The following TAF1A variants were observed in gnomAD, a reference collection of about 807,000 sequenced individuals.
TAF1A encodes TATA-box binding protein associated factor, RNA polymerase I subunit A, also known as TATA box-binding protein-associated factor RNA polymerase I subunit A.
A neutral mutation model predicts 61.6 loss-of-function variants in TAF1A; 42 were observed. The observed-to-expected ratio is 0.68, with a 90% CI of 0.53 to 0.88. The LOEUF (loss-of-function observed/expected upper bound fraction) is 0.88. Ranked by LOEUF, TAF1A falls within the 40% of genes least tolerant of loss-of-function variation. The pLI is 0.00. For missense variants in TAF1A, 424 were observed against 518.7 expected (o/e 0.82, Z 1.77); for synonymous variants, 179 against 177.7 (o/e 1.01, Z -0.06).
intron 9 of TAF1A, among the ~76,000 whole-genome samples, chr1:222,562,294 C>T (rs1659950008): frequency 6.6e-6 from 1 of 152,110 alleles, no homozygotes; most frequent in Admixed American, 6.6e-5. Context: ...CACATTAGAT[C>T]TCTATAATTT....
intron 5 of TAF1A, among the ~76,000 whole-genome samples, chr1:222,575,681 G>T (rs1188094652): frequency 6.6e-6 from 1 of 152,184 alleles, no homozygotes. Flanking sequence ...CATGGTAAGT[G>T]CCCATGAGTT....
Position 222,564,683 on chromosome 1 carries a change from GGAA to G in TAF1A, c.895-561_895-559del, listed in dbSNP as rs933269510. On this transcript the variant is annotated intron_variant, in intron 7 of 10. Transcript: ENST00000352967. ...TTAAAGATTTTTCTTTTAAAAAATA[GGAA>G]GGACTATTTTTATGAATATTCAAAA... is the stretch of plus-strand genomic sequence containing the variant. Among the ~76,000 whole-genome samples, 143 of 151,968 alleles carry G rather than the reference GGAA, an allele frequency of 9.4e-4. 1 individual carries two copies. The highest frequency in any genetic ancestry group is 1.6e-3 in the Non-Finnish European group (111 of 67,946).
chr1:222,583,876 A>G (rs1458274869), intron 3 of TAF1A, among the ~76,000 whole-genome samples: 3 of 152,016 alleles, frequency 2.0e-5, no homozygotes, highest in African/African-American at 7.2e-5. Context: ...AAATTTTTAC[A>G]TGATGATGGG....
downstream of TAF1A, among the ~76,000 whole-genome samples, chr1:222,555,202 T>C (rs1659712436): frequency 6.6e-6 from 1 of 152,136 alleles, no homozygotes; most frequent in African/African-American, 2.4e-5. Flanking sequence ...ATGTAAATTA[T>C]GGAAAACAAT....
rs767060705 is a variant in TAF1A at position 222,588,614 on chromosome 1, G to C, written c.-2-49C>G. 12 of 1,575,218 alleles carry C rather than the reference G, an allele frequency of 7.6e-6. No homozygotes were observed. In the Admixed American group the frequency reaches 2.3e-4, roughly 31 times the overall value. ...TACTTTCTGTACATCTTAATCCACAGTCTTCTGAGTTGTACAGAAAAACGG... is the reference window on the plus strand; with the variant it reads ...TACTTTCTGTACATCTTAATCCACACTCTTCTGAGTTGTACAGAAAAACGG... On this transcript the variant is annotated intron_variant, in intron 1 of 10. Coordinates refer to ENST00000352967, the MANE Select transcript of TAF1A (RefSeq NM_005681.4).
At position 222,569,668 on chromosome 1, in the gene TAF1A, T is replaced by G. The variant is rs1273840691; in HGVS notation, c.736A>C (p.Met246Leu). The G allele has an allele frequency of 5.0e-6, 8 of 1,609,460 alleles. No individual in the cohort carries two copies. The Admixed American group carries it at 1.4e-4, about 27-fold the overall frequency. Residue 246 changes from methionine (M) to leucine (L), a missense_variant and splice_region_variant, in exon 7 of 11, where the codon ATG becomes CTG. Physicochemically the swap from Met to Leu is conservative, Grantham distance 15. Coordinates refer to ENST00000352967, the MANE Select transcript of TAF1A (RefSeq NM_005681.4). ...WDPFVKSYVE[M>L]LEFYGDRDGA... is the part of the protein sequence containing the mutation. The stretch of plus-strand genomic sequence containing the variant: ...TCTCGATCCCCATAGAATTCCAGCA[T>G]CTATATAAAATAAATCATAATATCT...
At chr1:222,579,004 A>C (rs1660683091) in intron 4 of TAF1A, among the ~76,000 whole-genome samples, 1 of 152,152 alleles carries the variant, frequency 6.6e-6, no homozygotes, top group Non-Finnish European at 1.5e-5. Flanking sequence ...TCCCTAATTA[A>C]ATGGCTATCC....
chr1:222,579,777 G>T lies in TAF1A; in HGVS notation c.387C>A (p.Gly129=), dbSNP rs1438915794. ...TTCTCACCTTTAAATAATTCATGAC[G>T]CCAATATTTTTCATCCGGTTAGCAA... ...NTFANRMKNI[G]VMNYLKISLQ... Residue 129 remains glycine (G), a synonymous_variant, in exon 4 of 11, where the codon GGC becomes GGA. Transcript: ENST00000352967. 3 of 1,609,756 alleles carry T rather than the reference G, an allele frequency of 1.9e-6. No homozygotes were observed. Among genetic ancestry groups the T allele is most frequent in the South Asian group, 2.2e-5 (2 of 89,782 alleles).
intron 1 of TAF1A, 72 bp from the exon 2 acceptor site, chr1:222,588,637 C>T (rs1196213058): frequency 2.3e-5 from 34 of 1,478,774 alleles, no homozygotes; most frequent in Middle Eastern, 3.6e-4. Context: ...TACAGAAAAA[C>T]GGCTATCTTT....
downstream of TAF1A, among the ~76,000 whole-genome samples, chr1:222,554,830 T>A (rs1042369238): frequency 2.0e-4 from 31 of 152,170 alleles, no homozygotes; most frequent in African/African-American, 6.3e-4. Context: ...TATTTCTTTT[T>A]ATGAGGGGAG....
At position 222,576,113 on chromosome 1, in the gene TAF1A, C is replaced by A. The variant is rs578251089; in HGVS notation, c.604+1332G>T. 5.9e-5 allele frequency among the ~76,000 whole-genome samples: 9 copies of A among 152,176 alleles called. No individual in the cohort carries two copies. In the South Asian group the frequency reaches 1.9e-3, roughly 32 times the overall value. On this transcript the variant is annotated intron_variant, in intron 5 of 10. Transcript: ENST00000352967. ...GAAAAAACTTAGCACAATTAGAAAG[C>A]AAGAGATGAATAGCCAAATGATTCA... is the stretch of plus-strand genomic sequence containing the variant.
chr1:222,582,220 A>G (rs1221309927), intron 3 of TAF1A, among the ~76,000 whole-genome samples: 1 of 152,244 alleles, frequency 6.6e-6, no homozygotes, highest in Non-Finnish European at 1.5e-5. Context: ...AAACAAGGAA[A>G]GGAAGTGAGC....
intron 9 of TAF1A, among the ~76,000 whole-genome samples, chr1:222,562,422 G>A (rs1659954355): frequency 1.3e-5 from 2 of 152,044 alleles, no homozygotes; most frequent in Non-Finnish European, 2.9e-5. Context: ...TTTATTCAGG[G>A]CTTCAGATTT....
chr1:222,558,754 T>C lies in TAF1A; in HGVS notation c.1259A>G (p.Tyr420Cys). ...GATTTGGTGATCTTGCTTTAAAATA[T>C]ACCGGAAATATCTACAACCTAAAAA... The part of the protein sequence containing the change: ...LLGKGCRYFR[Y>C]ILKQDHQILG... Residue 420 changes from tyrosine (Y) to cysteine (C), a missense_variant, in exon 11 of 11, where the codon TAT (tyrosine) becomes TGT (cysteine). By Grantham distance (194) the Tyr-to-Cys change is radical. Coordinates refer to ENST00000352967, the MANE Select transcript of TAF1A (RefSeq NM_005681.4). 2 of 1,534,514 alleles carry C rather than the reference T, an allele frequency of 1.3e-6. No individual in the cohort carries two copies. The highest frequency in any genetic ancestry group is 1.8e-6 in the Non-Finnish European group (2 of 1,134,228).
In TAF1A at chr1:222,569,746, A is replaced by G. The variant is rs1456177062; in HGVS notation, c.736-78T>C. On this transcript the variant is annotated intron_variant, in intron 6 of 10. Coordinates refer to ENST00000352967, the MANE Select transcript of TAF1A (RefSeq NM_005681.4). ...GAAAAATAATACACAGCATAAGTTT[A>G]CTGATGGGTATTTTTTAAAAATCAC... 1.0e-5 allele frequency: 13 copies of G among 1,298,960 alleles called. No individual in the cohort carries two copies. The African/African-American group carries it at 2.0e-4, about 20-fold the overall frequency. 80.5% of individuals were successfully genotyped at this position (1,298,960 alleles called of 1,614,324 possible).
chr1:222,572,423 A>G (rs1320120993), intron 5 of TAF1A, among the ~76,000 whole-genome samples: 1 of 152,076 alleles, frequency 6.6e-6, no homozygotes, highest in African/African-American at 2.4e-5. Context: ...GCATGATTTC[A>G]GCTTACTGAA....
chr1:222,554,246 A>C (rs1463150057), downstream of TAF1A, among the ~76,000 whole-genome samples: 1 of 152,206 alleles, frequency 6.6e-6, no homozygotes, highest in Non-Finnish European at 1.5e-5. Context: ...GTTGTAATTA[A>C]ACAACTGGCA....
intron 3 of TAF1A, among the ~76,000 whole-genome samples, chr1:222,580,925 G>A (rs987191644): frequency 1.3e-5 from 2 of 152,146 alleles, no homozygotes; most frequent in African/African-American, 4.8e-5. Flanking sequence ...GGCCGAGGCG[G>A]GTGGATCACG....
chr1:222,569,402 A>G (rs1261932214), intron 7 of TAF1A, 108 bp downstream of exon 7: 2 of 1,600,806 alleles, frequency 1.2e-6, no homozygotes, highest in South Asian at 2.2e-5. Context: ...TGTACTGTAC[A>G]TTATTGAAAT....
Sources: allele counts gnomAD v4.1 joint callset (sites outside exome capture counted in the v4.1 genomes callset), GRCh38; gene constraint gnomAD v4.1.1; transcripts MANE v1.5; gene names NCBI Gene and HGNC (gene_info 2026-07-23, HGNC 2026-07-21).